Variants in FAM131A observed in about 807,000 individuals in gnomAD.
FAM131A encodes family with sequence similarity 131 member A, also known as protein FAM131A.
Under a neutral mutation model 39.2 loss-of-function variants are expected in FAM131A, and 24 were observed. The observed-to-expected ratio is 0.61, with a 90% CI of 0.44 to 0.86. FAM131A has a LOEUF of 0.86. Ranked by LOEUF, FAM131A falls within the 40% of genes least tolerant of loss-of-function variation. The pLI is 0.00. For missense variants in FAM131A, 373 were observed against 481.2 expected, an observed-to-expected ratio of 0.78 and a Z score of 2.10; for synonymous variants, 202 against 206.8, an observed-to-expected ratio of 0.98 and a Z score of 0.20.
intron 2 of FAM131A, chr3:184,340,973 T>C (rs1408530341): frequency 6.5e-6 from 1 of 152,856 alleles, no homozygotes; most frequent in Non-Finnish European, 1.5e-5. Context: ...AGCACTACAC[T>C]CACTACACTT....
chr3:184,346,176 G>A lies in FAM131A; in HGVS notation c.*1206G>A. ...CCAAGGTAAGAACGAGAGCCAACGGGCACAAGCATTCTATATATAAGTGGC... is the reference window on the plus strand; with the variant it reads ...CCAAGGTAAGAACGAGAGCCAACGGACACAAGCATTCTATATATAAGTGGC... On this transcript the variant is annotated 3_prime_UTR_variant, in exon 6 of 6. Transcript: ENST00000383847. The surrounding 1 kb of genome is among the most constrained non-coding windows in gnomAD (Gnocchi z 6.0). 1 of 198,708 alleles carries A rather than the reference G, an allele frequency of 5.0e-6. No homozygotes were observed. The allele number at this position is 198,708 out of a possible 1,614,324, so 12.3% of individuals were successfully genotyped here.
At chr3:184,343,073 A>G in intron 5 of FAM131A, 1 of 280,102 alleles carries the variant, frequency 3.6e-6, no homozygotes, top group Non-Finnish European at 6.6e-6. Context: ...CCTTTCCCAC[A>G]GGTGCTGAGG....
At chr3:184,337,919 G>A (rs976788558) in intron 1 of FAM131A, among the ~76,000 whole-genome samples, 12 of 152,120 alleles carry the variant, frequency 7.9e-5, no homozygotes, top group Non-Finnish European at 1.3e-4. Flanking sequence ...TCATGAGTTC[G>A]TCAGAAAAGA....
intron 5 of FAM131A, among the ~76,000 whole-genome samples, 176 bp from the exon 6 acceptor site, chr3:184,344,319 C>T (rs1324004745): frequency 6.6e-6 from 1 of 152,170 alleles, no homozygotes. Flanking sequence ...TTGTTAGAAT[C>T]TCCAACTCAC....
At position 184,342,456 on chromosome 3, in the gene FAM131A, T is replaced by C. The variant is rs1226662999; in HGVS notation, c.508+208T>C. Among the ~76,000 whole-genome samples the C allele has an allele frequency of 6.6e-6, 1 of 152,148 alleles. No individual in the cohort carries two copies. The highest frequency in any genetic ancestry group is 1.5e-5 in the Non-Finnish European group (1 of 68,006). The stretch of plus-strand genomic sequence containing the variant: ...CCAAGTAGCTGGGATTACAGTTGCC[T>C]GCCACCGTGCCTGGCTAATTTTTGT... On this transcript the variant is annotated intron_variant, in intron 4 of 5. Transcript: ENST00000383847. The surrounding 1 kb of genome is among the most constrained non-coding windows in gnomAD (Gnocchi z 4.6).
chr3:184,344,770 G>A lies in FAM131A; in HGVS notation c.901G>A (p.Ala301Thr), dbSNP rs765414365. Residue 301 changes from alanine (A) to threonine (T), a missense_variant, in exon 6 of 6, where the codon GCC becomes ACC. By Grantham distance (58) the Ala-to-Thr change is moderately conservative. This residue lies in a region of FAM131A where 152 missense variants were observed against 133.5 expected (regional missense o/e 1.14). Transcript: ENST00000383847. Reference sequence around the variant, plus strand: ...CTTCCGCAGCCTGGGCCCACTGGAGGCCCAGGACTCACTCTACAACTCGCC... The same window carrying A: ...CTTCCGCAGCCTGGGCCCACTGGAGACCCAGGACTCACTCTACAACTCGCC... ...SAFRSLGPLE[A>T]QDSLYNSPLT... 1 of 1,612,140 alleles carries A rather than the reference G, an allele frequency of 6.2e-7. No homozygotes were observed. The highest frequency in any genetic ancestry group is 2.2e-5 in the East Asian group (1 of 44,886).
Position 184,345,370 on chromosome 3 carries a change from T to G in FAM131A, c.*400T>G, listed in dbSNP as rs948556679. 1.6e-6 allele frequency: 1 copy of G among 606,202 alleles called. No homozygotes were observed. Among genetic ancestry groups the G allele is most frequent in the South Asian group, 2.0e-5 (1 of 50,674 alleles). 37.6% of individuals were successfully genotyped at this position (606,202 alleles called of 1,614,324 possible). The stretch of plus-strand genomic sequence containing the variant: ...AGCAACCCCCCACCCTCCCCATGCC[T>G]CTCTCTTCTCTGCTTTTCTTCTCAC... On this transcript the variant is annotated 3_prime_UTR_variant, in exon 6 of 6. Coordinates refer to ENST00000383847, the MANE Select transcript of FAM131A (RefSeq NM_144635.5).
At chr3:184,343,987 G>A (rs894561478) in intron 5 of FAM131A, among the ~76,000 whole-genome samples, 8 of 84,750 alleles carry the variant, frequency 9.4e-5, no homozygotes, top group African/African-American at 5.6e-4. Flanking sequence ...TTAACTGTGT[G>A]CCAGACTTTT....
At position 184,341,739 on chromosome 3, in the gene FAM131A, A is replaced by G. The variant is rs1325921904; in HGVS notation, c.247A>G (p.Thr83Ala). 3.1e-6 allele frequency: 5 copies of G among 1,608,740 alleles called. No homozygotes were observed. The East Asian group carries it at 6.7e-5, about 21-fold the overall frequency. Residue 83 changes from threonine (T) to alanine (A), a missense_variant, in exon 3 of 6, where the codon ACA (threonine) becomes GCA (alanine). Around this residue, in one of 2 missense-constraint regions of FAM131A, gnomAD observed 221 missense variants for 347.7 expected, o/e 0.64. Transcript: ENST00000383847. ...GTTACCCAAGGTGAATGTTGGAGAC[A>G]CAGTCGCGATGCTGCCCAAGTCCCG... The part of the protein sequence containing the change: ...QDLPEVNVGD[T>A]VAMLPKSRRA...
At chr3:184,336,668 A>T (rs1727122109), upstream of FAM131A, among the ~76,000 whole-genome samples, 1 of 152,140 alleles carries the variant, frequency 6.6e-6, no homozygotes, top group Non-Finnish European at 1.5e-5. This position sits in a 1 kb window ranked among gnomAD's most constrained non-coding sequence, Gnocchi z 5.5. Context: ...GCGAAGGGGG[A>T]CTGAGGTCCC....
intron 2 of FAM131A, chr3:184,339,182 C>A (rs564506107): frequency 6.6e-6 from 1 of 152,538 alleles, no homozygotes; most frequent in African/African-American, 2.4e-5. Context: ...TAGGAACTTA[C>A]GTGCATCAGA....
At position 184,344,954 on chromosome 3, in the gene FAM131A, A is replaced by G. The variant is rs770977453; in HGVS notation, c.1085A>G (p.Glu362Gly). The change falls in exon 6 of 6, where the codon GAG becomes GGG. Residue 362 changes from glutamate to glycine, a missense_variant. Coordinates refer to ENST00000383847, the MANE Select transcript of FAM131A (RefSeq NM_144635.5). ...GVVSLDEDEAEPEEQ is the reference protein window; with the variant it reads ...GVVSLDEDEAGPEEQ ...GTGTCCTTAGATGAGGATGAGGCAG[A>G]GCCAGAGGAACAGTGACCCACATCA... is the stretch of plus-strand genomic sequence containing the variant. 6.4e-7 allele frequency: 1 copy of G among 1,569,310 alleles called. No homozygotes were observed. The highest frequency in any genetic ancestry group is 2.3e-5 in the East Asian group (1 of 43,322).
chr3:184,344,186 T>C (rs893234301), intron 5 of FAM131A, among the ~76,000 whole-genome samples: 2 of 152,192 alleles, frequency 1.3e-5, no homozygotes, highest in African/African-American at 2.4e-5. Flanking sequence ...GGTTTCTCCA[T>C]GTTGGTCAGG....
rs1727220651 is a variant in FAM131A at position 184,338,526 on chromosome 3, A to G, written c.228A>G (p.Pro76=). Residue 76 remains proline (P), a synonymous_variant, in exon 2 of 6, where the codon CCA becomes CCG. Transcript: ENST00000383847. ...CCTCGGTGGACAGTCAGGACTTGCC[A>G]GAGGTGCTGGGCCCCTGGTGGTGGG... ...RPSSVDSQDL[P]EVNVGDTVAM... 6.5e-7 allele frequency: 1 copy of G among 1,536,360 alleles called. No homozygotes were observed. Among genetic ancestry groups the G allele is most frequent in the Non-Finnish European group, 8.7e-7 (1 of 1,146,568 alleles).
chr3:184,345,669 AAT>A lies in FAM131A; in HGVS notation c.*700_*701del. The A allele has an allele frequency of 1.5e-6, 1 of 672,102 alleles. No homozygotes were observed. Among genetic ancestry groups the A allele is most frequent in the South Asian group, 1.6e-5 (1 of 61,596 alleles). The allele number at this position is 672,102 out of a possible 1,614,324, so 41.6% of individuals were successfully genotyped here. A position where few individuals can be genotyped will look rare whatever the true frequency, so the allele number is the denominator to read the frequency against. On this transcript the variant is annotated 3_prime_UTR_variant, in exon 6 of 6. Coordinates refer to ENST00000383847, the MANE Select transcript of FAM131A (RefSeq NM_144635.5). ...CCCTCCACCCTTTTCCTGGCCCCCT[AAT>A]GGGGCCTGGGCCCTTTCCCAACCCC...
chr3:184,336,114 G>C (rs1369044200), upstream of FAM131A: 1 of 152,364 alleles, frequency 6.6e-6, no homozygotes, highest in Non-Finnish European at 1.5e-5. This position sits in a 1 kb window ranked among gnomAD's most constrained non-coding sequence, Gnocchi z 5.5. Context: ...TCGGAGCCCG[G>C]CGGGTCAGGG....
Position 184,344,712 on chromosome 3 carries a change from T to C in FAM131A, c.843T>C (p.Leu281=). ...LASQLLGDEL[L]LAKLPPSRES... is the part of the protein sequence containing the mutation. ...CCCAGCTGCTGGGCGATGAGCTGCT[T>C]CTCGCCAAACTGCCCCCCAGCCGGG... The change falls in exon 6 of 6, where the codon CTT becomes CTC. Residue 281 remains leucine, a synonymous_variant. Transcript: ENST00000383847. The C allele has an allele frequency of 6.2e-7, 1 of 1,612,412 alleles. No individual in the cohort carries two copies. The highest frequency in any genetic ancestry group is 8.5e-7 in the Non-Finnish European group (1 of 1,179,958).
rs1360259210 is a variant in FAM131A, at chr3:184,342,463, G to A, written c.508+215G>A. Among the ~76,000 whole-genome samples the A allele has an allele frequency of 2.6e-5, 4 of 152,016 alleles. No homozygotes were observed. Among genetic ancestry groups the A allele is most frequent in the African/African-American group, 9.7e-5 (4 of 41,402 alleles). On this transcript the variant is annotated intron_variant, in intron 4 of 5. Transcript: ENST00000383847. This position sits in a 1 kb window ranked among gnomAD's most constrained non-coding sequence, Gnocchi z 4.6. ...GCTGGGATTACAGTTGCCTGCCACC[G>A]TGCCTGGCTAATTTTTGTAGTTTTA...
Position 184,341,532 on chromosome 3 carries a change from T to C in FAM131A, c.232-192T>C, listed in dbSNP as rs539668771. On this transcript the variant is annotated intron_variant, in intron 2 of 5. Transcript: ENST00000383847. ...TTCTCGGGGCCTGTCTGAATCTCCA[T>C]TGCTTTCTGGGAGGACATAATTCAC... 1.3e-5 allele frequency: 8 copies of C among 602,152 alleles called. No homozygotes were observed. In the South Asian group the frequency reaches 1.4e-4, roughly 10 times the overall value. 37.3% of individuals were successfully genotyped at this position (602,152 alleles called of 1,614,324 possible).
Sources: gnomAD v4.1 joint callset for allele counts (sites outside exome capture counted in the v4.1 genomes callset) on GRCh38, gnomAD v4.1.1 for gene constraint, gnomAD v4.1.1 regional missense constraint, Gnocchi (gnomAD v3.1) non-coding constraint, MANE v1.5 for transcripts, NCBI Gene and HGNC (gene_info 2026-07-23, HGNC 2026-07-21) for gene names.